TRMT44: variants seen among roughly 807,000 people sequenced by gnomAD.
TRMT44 encodes the protein tRNA methyltransferase 44 homolog, also known as probable tRNA (uracil-O(2)-)-methyltransferase.
Under a neutral mutation model 77.3 loss-of-function variants are expected in TRMT44, and 78 were observed. The ratio of observed to expected loss-of-function variants is 1.01; its 90% CI spans 0.84 to 1.22. The LOEUF (loss-of-function observed/expected upper bound fraction) is 1.22, where lower values mean the gene tolerates loss of function less well. Ranked by LOEUF, TRMT44 falls within the 50% of genes most tolerant of loss-of-function variation. The pLI, the probability that TRMT44 is intolerant of heterozygous loss-of-function variation, is 0.00. For missense variants in TRMT44, 1,090 were observed against 964.4 expected (o/e 1.13, Z -1.73); for synonymous variants, 391 against 383.3 (o/e 1.02, Z -0.23).
Position 8,468,407 on chromosome 4 carries a change from C to G in TRMT44, c.1927+61C>G, listed in dbSNP as rs758816811. On this transcript the variant is annotated intron_variant, in intron 9 of 10. Coordinates refer to ENST00000389737, the MANE Select transcript of TRMT44 (RefSeq NM_152544.3). ...GCTCCCAGGCTTGAGGGCAGGAATT[C>G]ACGTCTTCAGAACCGACATGAAATG... 21 of 1,536,326 alleles carry G rather than the reference C, an allele frequency of 1.4e-5. No homozygotes were observed. In the African/African-American group the frequency reaches 2.4e-4, roughly 18 times the overall value.
At chr4:8,449,145 AG>A (rs1725262325) in intron 2 of TRMT44, among the ~76,000 whole-genome samples, 1 of 152,254 alleles carries the variant, frequency 6.6e-6, no homozygotes, top group Non-Finnish European at 1.5e-5. Context: ...GGGGCGGAGC[AG>A]TGAGCAAGAC....
chr4:8,478,369 GGGCCCACCATGGCCATA>G (rs141655658), downstream of TRMT44: 8,732 of 152,712 alleles, frequency 0.057, 452 homozygotes, highest in African/African-American at 0.14. Context: ...ATGCTAAGTG[GGGCCCACCATGGCCATA>G]GGCCCCTCCG....
At chr4:8,484,376 T>A (rs996808699) in intron 2 of TRMT44, among the ~76,000 whole-genome samples, 8 of 152,190 alleles carry the variant, frequency 5.3e-5, no homozygotes, top group African/African-American at 1.9e-4. Flanking sequence ...AGAAAGTATA[T>A]GCGTCAGGTG....
the TRMT44 span, among the ~76,000 whole-genome samples, chr4:8,511,383 C>G: frequency 6.6e-6 from 1 of 152,200 alleles, no homozygotes; most frequent in South Asian, 2.1e-4. Flanking sequence ...GAATAATGTC[C>G]CCCCTCCCCC....
intron 6 of TRMT44, among the ~76,000 whole-genome samples, chr4:8,456,681 T>C (rs1356032211): frequency 6.6e-6 from 1 of 152,152 alleles, no homozygotes; most frequent in African/African-American, 2.4e-5. Context: ...AAAGCATACA[T>C]ACAGACTCTA....
chr4:8,482,657 C>A (rs771296107), intron 2 of TRMT44, among the ~76,000 whole-genome samples: 1 of 152,230 alleles, frequency 6.6e-6, no homozygotes, highest in Non-Finnish European at 1.5e-5. Context: ...AGGACTTTCA[C>A]AAGGTAATGT....
In TRMT44 at chr4:8,441,130, C is replaced by A; in HGVS notation, c.308C>A (p.Ala103Asp). The A allele has an allele frequency of 6.6e-7, 1 of 1,521,328 alleles. No homozygotes were observed. The highest frequency in any genetic ancestry group is 1.4e-5 in the African/African-American group (1 of 72,914). 94.2% of individuals were successfully genotyped at this position (1,521,328 alleles called of 1,614,324 possible). A position where few individuals can be genotyped will look rare whatever the true frequency, so the allele number is the denominator to read the frequency against. ...QGTACCELEE[A>D]QGQCQQEEAQ... ...ACGGCATGTTGCGAACTTGAGGAGG[C>A]CCAGGGCCAGTGCCAGCAAGAGGAG... The change falls in exon 1 of 11, where the codon GCC (alanine) becomes GAC (aspartate). Residue 103 changes from alanine (A) to aspartate (D), a missense_variant. Ala to Asp is a moderately radical substitution (Grantham distance 126, BLOSUM62 -2). Coordinates refer to ENST00000389737, the MANE Select transcript of TRMT44 (RefSeq NM_152544.3).
At chr4:8,506,415 G>C in the TRMT44 span, among the ~76,000 whole-genome samples, 13 of 152,358 alleles carry the variant, frequency 8.5e-5, no homozygotes, top group Non-Finnish European at 1.6e-4. Context: ...GCCAGATCCT[G>C]ACTCCACCAA....
At chr4:8,465,290 A>G (rs2109151833) in intron 7 of TRMT44, 88 bp from the exon 8 acceptor site, 1 of 1,316,506 alleles carries the variant, frequency 7.6e-7, no homozygotes. Flanking sequence ...TTGCCCTGAT[A>G]TGCGATTGCC....
At chr4:8,505,981 G>C in the TRMT44 span, among the ~76,000 whole-genome samples, 4 of 152,228 alleles carry the variant, frequency 2.6e-5, no homozygotes, top group African/African-American at 9.6e-5. Context: ...GGAACTGTGA[G>C]TCAAGTAAAC....
downstream of TRMT44, among the ~76,000 whole-genome samples, chr4:8,496,912 G>C (rs1390521302): frequency 6.6e-6 from 1 of 151,822 alleles, no homozygotes; most frequent in African/African-American, 2.4e-5. Context: ...CTTTGTGATG[G>C]GGCCCTGGGC....
In TRMT44 at chr4:8,451,593, G is replaced by A. The variant is rs1725456094; in HGVS notation, c.955-367G>A. Among the ~76,000 whole-genome samples the A allele has an allele frequency of 2.6e-5, 4 of 152,236 alleles. No homozygotes were observed. The highest frequency in any genetic ancestry group is 2.1e-4 in the South Asian group (1 of 4,828). ...ACTGGTCTCCTAGTTTGTGGCTCGC[G>A]GCTCTCCCTGCCCTAGTTTCACTCC... On this transcript the variant is annotated intron_variant, in intron 3 of 10. Transcript: ENST00000389737. The surrounding 1 kb of genome is among the most constrained non-coding windows in gnomAD (Gnocchi z 4.1).
At chr4:8,495,590 G>A (rs774819212), downstream of TRMT44, among the ~76,000 whole-genome samples, 3 of 152,118 alleles carry the variant, frequency 2.0e-5, no homozygotes, top group Non-Finnish European at 2.9e-5. Flanking sequence ...GCATGGAGAG[G>A]GACGACATCA....
Position 8,441,401 on chromosome 4 carries a change from T to C in TRMT44, c.579T>C (p.His193=), listed in dbSNP as rs1388937151. The change falls in exon 1 of 11, where the codon CAT becomes CAC. Residue 193 remains histidine, a synonymous_variant. Coordinates refer to ENST00000389737, the MANE Select transcript of TRMT44 (RefSeq NM_152544.3). The part of the protein sequence containing the change: ...LRTVIPKTSP[H]CPLTTPRREI... ...CCGTCATCCCGAAAACTAGCCCACA[T>C]TGCCCCCTTACAACTCCCAGGAGGG... is the stretch of plus-strand genomic sequence containing the variant. 1.8e-5 allele frequency: 28 copies of C among 1,527,872 alleles called. No individual in the cohort carries two copies. Among genetic ancestry groups the C allele is most frequent in the African/African-American group, 2.7e-5 (2 of 72,930 alleles). 94.6% of individuals were successfully genotyped at this position (1,527,872 alleles called of 1,614,324 possible).
In TRMT44 at chr4:8,440,934, CT is replaced by C; in HGVS notation, c.115del (p.Cys39AlafsTer83). On this transcript the variant is annotated frameshift_variant, in exon 1 of 11. Coordinates refer to ENST00000389737, the MANE Select transcript of TRMT44 (RefSeq NM_152544.3). LOFTEE classifies it high-confidence loss of function. ...GAGGCCGCAGGTGGCAAACAAACGG[CT>C]TTGCGGCGCCCGCCTGGAGGCCCGC... ...LERPQVANKRLCGARLEARWS... is the reference protein window; with the variant it reads ...LERPQVANKRXCGARLEARWS... The C allele has an allele frequency of 6.5e-7, 1 of 1,530,274 alleles. No individual in the cohort carries two copies. Among genetic ancestry groups the C allele is most frequent in the Non-Finnish European group, 8.7e-7 (1 of 1,145,410 alleles). The allele number at this position is 1,530,274 out of a possible 1,614,324, so 94.8% of individuals were successfully genotyped here.
At chr4:8,514,093 C>T in the TRMT44 span, among the ~76,000 whole-genome samples, 1 of 152,148 alleles carries the variant, frequency 6.6e-6, no homozygotes, top group Non-Finnish European at 1.5e-5. Flanking sequence ...CCACCATGCA[C>T]CCGTCCATAG....
chr4:8,504,296 A>C, the TRMT44 span, among the ~76,000 whole-genome samples: 1 of 151,952 alleles, frequency 6.6e-6, no homozygotes, highest in Admixed American at 6.6e-5. This position sits in a 1 kb window ranked among gnomAD's most constrained non-coding sequence, Gnocchi z 5.3. Flanking sequence ...AATGGCCCCC[A>C]TTCACTAAGG....
At chr4:8,487,691 T>G (rs1372905842) in intron 2 of TRMT44, among the ~76,000 whole-genome samples, 2 of 151,384 alleles carry the variant, frequency 1.3e-5, no homozygotes, top group African/African-American at 2.4e-5. Context: ...CCACTAAGCG[T>G]GAAGGAGAAG....
In TRMT44 at chr4:8,487,321, C is replaced by T. The variant is rs185007725; in HGVS notation, n.3892-5945C>T. Among the ~76,000 whole-genome samples the T allele has an allele frequency of 1.3e-4, 20 of 151,676 alleles. No homozygotes were observed. In the East Asian group the frequency reaches 1.6e-3, roughly 12 times the overall value. On this transcript the variant is annotated intron_variant and non_coding_transcript_variant, in intron 2 of 2. Coordinates refer to the TRMT44 transcript ENST00000511366. ...GAGGAATGGAGGGTGGAAGGTTGCC[C>T]GTAGTGAAGGAGGAAAGCCCAGAGA...
Sources: allele counts gnomAD v4.1 joint callset (sites outside exome capture counted in the v4.1 genomes callset), GRCh38; gene constraint gnomAD v4.1.1; non-coding constraint Gnocchi (gnomAD v3.1); transcripts MANE v1.5; gene names NCBI Gene and HGNC (gene_info 2026-07-23, HGNC 2026-07-21).